GALNT13: variants seen among roughly 807,000 people sequenced by gnomAD.
The protein encoded by GALNT13 is UDP-GalNAc:polypeptide N-acetylgalactosaminyltransferase 13.
GALNT13 carries 28 observed loss-of-function variants against 64.2 expected under a neutral mutation model. That is an observed-to-expected ratio of 0.44 (90% CI 0.32 to 0.60). The LOEUF is 0.60. Among genes scored for constraint, GALNT13 ranks in the 20% least tolerant of loss-of-function variants. The probability of loss-of-function intolerance (pLI) is 0.05; values close to 1 mark genes in which losing one functional copy is unlikely to be tolerated. For missense variants in GALNT13, 577 were observed against 669.8 expected (o/e 0.86, Z 1.53); for synonymous variants, 214 against 224.6 (o/e 0.95, Z 0.42).
the GALNT13 span, among the ~76,000 whole-genome samples, chr2:153,706,290 C>T: frequency 6.6e-6 from 1 of 152,098 alleles, no homozygotes; most frequent in African/African-American, 2.4e-5. Flanking sequence ...CTACTGCACC[C>T]AGCCAAGGAC....
At chr2:153,430,329 G>GC in the GALNT13 span, among the ~76,000 whole-genome samples, 1 of 152,018 alleles carries the variant, frequency 6.6e-6, no homozygotes, top group Non-Finnish European at 1.5e-5. Flanking sequence ...GTTATAGGTT[G>GC]TGAGTTTTTA....
the GALNT13 span, among the ~76,000 whole-genome samples, chr2:153,524,321 CTTT>C: frequency 5.5e-4 from 74 of 135,000 alleles, no homozygotes; most frequent in African/African-American, 7.6e-4. Context: ...TATTCCTTCT[CTTT>C]TTTTTTTTTT....
the GALNT13 span, among the ~76,000 whole-genome samples, chr2:153,501,362 C>T: frequency 2.0e-5 from 3 of 151,858 alleles, no homozygotes; most frequent in South Asian, 4.2e-4. Flanking sequence ...GATGGAGTCG[C>T]CCTCTGTCGC....
chr2:153,551,394 C>T, the GALNT13 span, among the ~76,000 whole-genome samples: 77 of 152,138 alleles, frequency 5.1e-4, 1 homozygote, highest in East Asian at 0.012. Context: ...CTCTGGTTGC[C>T]GTGTGGTGAA....
chr2:153,237,723 A>G, the GALNT13 span, among the ~76,000 whole-genome samples: 7 of 151,834 alleles, frequency 4.6e-5, no homozygotes, highest in South Asian at 2.1e-4. Flanking sequence ...TTCTTTATCC[A>G]TTTGTCTGTC....
chr2:153,098,682 CTATTG>C, the GALNT13 span, among the ~76,000 whole-genome samples: 1 of 152,138 alleles, frequency 6.6e-6, no homozygotes, highest in Non-Finnish European at 1.5e-5. Context: ...AACAATTTAT[CTATTG>C]TATTGTTGAC....
chr2:154,120,657 T>G (rs189439728), intron 3 of GALNT13, among the ~76,000 whole-genome samples: 6 of 152,282 alleles, frequency 3.9e-5, no homozygotes, highest in African/African-American at 1.4e-4. Flanking sequence ...TTAGCCTTTG[T>G]GCTTTTTGTA....
chr2:153,120,993 T>C, the GALNT13 span, among the ~76,000 whole-genome samples: 22 of 152,210 alleles, frequency 1.4e-4, no homozygotes, highest in Non-Finnish European at 2.2e-4. Flanking sequence ...TGTGATCCTA[T>C]AGTTATAATC....
At position 153,907,014 on chromosome 2, in the gene GALNT13, T is replaced by C. The variant is rs968391879; in HGVS notation, c.-105+6007T>C. On this transcript the variant is annotated intron_variant, in intron 2 of 12. Coordinates refer to ENST00000392825, the MANE Select transcript of GALNT13 (RefSeq NM_052917.4). The stretch of plus-strand genomic sequence containing the variant: ...ATGGCCAGTGATGATGAGCGTTTTT[T>C]CATGTGTTTTTTGGCTGCATAAATG... 2.0e-5 allele frequency among the ~76,000 whole-genome samples: 3 copies of C among 152,194 alleles called. No individual in the cohort carries two copies. The East Asian group carries it at 5.8e-4, about 29-fold the overall frequency.
intron 9 of GALNT13, among the ~76,000 whole-genome samples, chr2:154,307,594 G>A (rs1052109993): frequency 4.0e-5 from 6 of 148,494 alleles, no homozygotes; most frequent in African/African-American, 1.5e-4. Context: ...CTTTGAAATA[G>A]TGTTCAAGAA....
At chr2:154,437,620 G>C (rs1389922081) in intron 11 of GALNT13, 1 of 894,854 alleles carries the variant, frequency 1.1e-6, no homozygotes, top group Non-Finnish European at 1.6e-6. Context: ...ACTTTGGGAG[G>C]CCGAGGCAGG....
At chr2:153,495,174 G>A in the GALNT13 span, among the ~76,000 whole-genome samples, 4 of 151,910 alleles carry the variant, frequency 2.6e-5, no homozygotes, top group African/African-American at 9.7e-5. Context: ...AGAACAACTA[G>A]AATTCTCATA....
chr2:153,663,226 T>C, the GALNT13 span, among the ~76,000 whole-genome samples: 2 of 152,222 alleles, frequency 1.3e-5, no homozygotes, highest in East Asian at 3.8e-4. Context: ...AAATATTACC[T>C]TTAAAAATGT....
chr2:153,606,558 C>T, the GALNT13 span, among the ~76,000 whole-genome samples: 4 of 152,086 alleles, frequency 2.6e-5, no homozygotes, highest in Admixed American at 2.6e-4. Context: ...AATTCTTCTT[C>T]TTCCAATGTG....
the GALNT13 span, among the ~76,000 whole-genome samples, chr2:153,700,662 A>G: frequency 1.1e-4 from 17 of 152,288 alleles, no homozygotes; most frequent in African/African-American, 4.1e-4. Flanking sequence ...TACAAAATCA[A>G]TGTGCAAAAA....
intron 4 of GALNT13, among the ~76,000 whole-genome samples, chr2:154,206,770 G>A: frequency 6.6e-6 from 1 of 151,198 alleles, no homozygotes; most frequent in Non-Finnish European, 1.5e-5. Context: ...GGTGACAGAG[G>A]GAGACTCTGT....
intron 4 of GALNT13, 92 bp from the exon 5 acceptor site, chr2:154,241,938 G>T: frequency 2.9e-6 from 2 of 699,704 alleles, no homozygotes; most frequent in Admixed American, 3.6e-5. Context: ...GGGCTTTCAA[G>T]TCTGAAGTTG....
At chr2:153,256,740 G>A in the GALNT13 span, among the ~76,000 whole-genome samples, 4 of 152,190 alleles carry the variant, frequency 2.6e-5, no homozygotes, top group Non-Finnish European at 5.9e-5. Flanking sequence ...CCCTGCTGGG[G>A]GGTGCCTCCC....
intron 4 of GALNT13, among the ~76,000 whole-genome samples, chr2:154,179,942 C>CA (rs1255056693): frequency 2.6e-5 from 4 of 151,964 alleles, no homozygotes; most frequent in Non-Finnish European, 5.9e-5. Flanking sequence ...GTTTTGGACA[C>CA]ACGTTTCTCT....
Sources: gnomAD v4.1 joint callset for allele counts (sites outside exome capture counted in the v4.1 genomes callset) on GRCh38, gnomAD v4.1.1 for gene constraint, MANE v1.5 for transcripts, NCBI Gene and HGNC (gene_info 2026-07-23, HGNC 2026-07-21) for gene names.